Variants in CDYL observed in about 807,000 individuals in gnomAD.
CDYL encodes chromodomain Y-like protein.
A neutral mutation model predicts 47.3 loss-of-function variants in CDYL; 8 were observed. The observed-to-expected ratio is 0.17, with a 90% CI of 0.10 to 0.31. The LOEUF (loss-of-function observed/expected upper bound fraction) is 0.31, where lower values mean the gene tolerates loss of function less well. CDYL is among the 10% of genes least tolerant of loss of function. The pLI is 1.00. For synonymous variants in CDYL, 266 were observed against 265.0 expected (o/e 1.00, Z -0.04); for missense variants, 471 against 701.4 (o/e 0.67, Z 3.71).
At chr6:4,842,183 T>C (rs972781711) in intron 1 of CDYL, among the ~76,000 whole-genome samples, 3 of 143,830 alleles carry the variant, frequency 2.1e-5, no homozygotes, top group African/African-American at 7.6e-5. Flanking sequence ...TATAATAAAT[T>C]ATTAATATAA....
At chr6:4,852,523 CCTTCCTTCCAAT>C (rs1418633116) in intron 1 of CDYL, among the ~76,000 whole-genome samples, 1 of 120,914 alleles carries the variant, frequency 8.3e-6, no homozygotes, top group African/African-American at 3.9e-5. Context: ...AATCTTCCTT[CCTTCCTTCCAAT>C]CTTCCTTCCT....
At chr6:4,853,703 A>T (rs1760918713) in intron 1 of CDYL, among the ~76,000 whole-genome samples, 1 of 152,248 alleles carries the variant, frequency 6.6e-6, no homozygotes, top group East Asian at 1.9e-4. Context: ...AAAAGGAAAC[A>T]AAACAAAACA....
chr6:4,806,394 C>G (rs757065473), intron 1 of CDYL, among the ~76,000 whole-genome samples: 1 of 152,184 alleles, frequency 6.6e-6, no homozygotes, highest in Non-Finnish European at 1.5e-5. Flanking sequence ...CATCCCCCTA[C>G]CAGAGGATCT....
chr6:4,721,364 G>C (rs1757366016), intron 2 of CDYL, among the ~76,000 whole-genome samples: 1 of 152,000 alleles, frequency 6.6e-6, no homozygotes, highest in Non-Finnish European at 1.5e-5. Flanking sequence ...TCTGGGGGAG[G>C]GGAGGGGAGG....
At chr6:4,772,856 G>A (rs1758357665), upstream of CDYL, 1 of 329,070 alleles carries the variant, frequency 3.0e-6, no homozygotes. Flanking sequence ...TTGGCTCTGA[G>A]AATAGTAGTA....
At chr6:4,813,017 G>T (rs1214148007) in intron 1 of CDYL, among the ~76,000 whole-genome samples, 1 of 152,130 alleles carries the variant, frequency 6.6e-6, no homozygotes. Context: ...CTAATTGATT[G>T]CCGTTGTATA....
chr6:4,759,865 G>A (rs1315828842), intron 3 of CDYL, among the ~76,000 whole-genome samples: 25 of 33,906 alleles, frequency 7.4e-4, no homozygotes, highest in Admixed American at 4.3e-4. Context: ...GGCAACAAGA[G>A]AGAAACTCCA....
At chr6:4,711,413 C>T (rs938639597) in intron 1 of CDYL, among the ~76,000 whole-genome samples, 4 of 152,162 alleles carry the variant, frequency 2.6e-5, no homozygotes, top group Non-Finnish European at 4.4e-5. Flanking sequence ...TCCTCTGATT[C>T]CCCCTCAGGA....
intron 1 of CDYL, among the ~76,000 whole-genome samples, chr6:4,853,757 G>A (rs112989471): frequency 0.022 from 3,306 of 152,288 alleles, 124 homozygotes; most frequent in African/African-American, 0.076. Flanking sequence ...GCCCATCACC[G>A]TTTGTGTGGC....
chr6:4,830,142 T>C (rs531602038), intron 1 of CDYL, among the ~76,000 whole-genome samples: 1 of 152,380 alleles, frequency 6.6e-6, no homozygotes, highest in Admixed American at 6.5e-5. Context: ...CAATTTTCAA[T>C]ATTCAAGGTG....
intron 3 of CDYL, among the ~76,000 whole-genome samples, chr6:4,742,921 A>G (rs1757823002): frequency 6.6e-6 from 1 of 152,198 alleles, no homozygotes; most frequent in Non-Finnish European, 1.5e-5. Flanking sequence ...GTCTAATCAC[A>G]GTTTTTGCAG....
chr6:4,818,325 T>C (rs1035258467), intron 1 of CDYL, among the ~76,000 whole-genome samples: 3 of 151,968 alleles, frequency 2.0e-5, no homozygotes, highest in Non-Finnish European at 4.4e-5. Context: ...GCAATATAAA[T>C]GGTATTGATA....
chr6:4,905,856 A>G (rs976151602), intron 2 of CDYL, among the ~76,000 whole-genome samples: 4 of 152,212 alleles, frequency 2.6e-5, no homozygotes, highest in Non-Finnish European at 4.4e-5. Context: ...CATAGATTGC[A>G]TAGGGATCAA....
intron 1 of CDYL, among the ~76,000 whole-genome samples, chr6:4,824,861 A>G (rs1280229115): frequency 6.6e-6 from 1 of 152,052 alleles, no homozygotes; most frequent in Non-Finnish European, 1.5e-5. Context: ...GTTTCTGCAA[A>G]AAAGGCTGTT....
chr6:4,729,157 A>C (rs1000252393), intron 2 of CDYL, among the ~76,000 whole-genome samples: 3 of 152,140 alleles, frequency 2.0e-5, no homozygotes, highest in Non-Finnish European at 4.4e-5. Flanking sequence ...ACAGAGTGGG[A>C]TAAAATTCCC....
intron 2 of CDYL, among the ~76,000 whole-genome samples, chr6:4,922,398 C>T (rs1757743050): frequency 6.6e-6 from 1 of 152,168 alleles, no homozygotes; most frequent in South Asian, 2.1e-4. Flanking sequence ...ATCCTGAGGA[C>T]AGATGATTAA....
intron 2 of CDYL, among the ~76,000 whole-genome samples, chr6:4,725,441 G>A (rs772273601): frequency 2.6e-4 from 40 of 152,250 alleles, no homozygotes; most frequent in Non-Finnish European, 5.7e-4. Context: ...GGGAGGCTCA[G>A]GCATGGCGGG....
At chr6:4,887,945 T>G (rs1478066643) in intron 1 of CDYL, among the ~76,000 whole-genome samples, 1 of 152,070 alleles carries the variant, frequency 6.6e-6, no homozygotes, top group African/African-American at 2.4e-5. Context: ...CTGCATCTGT[T>G]GAAACAATAT....
intron 1 of CDYL, among the ~76,000 whole-genome samples, chr6:4,798,351 A>G (rs1302336515): frequency 6.6e-6 from 1 of 152,150 alleles, no homozygotes; most frequent in Non-Finnish European, 1.5e-5. Context: ...TAATTGCACT[A>G]TTGTCACTAG....
Sources: gnomAD v4.1 joint callset for allele counts (sites outside exome capture counted in the v4.1 genomes callset) on GRCh38, gnomAD v4.1.1 for gene constraint, MANE v1.5 for transcripts, NCBI Gene and HGNC (gene_info 2026-07-23, HGNC 2026-07-21) for gene names.